Variants in PTGER4 observed in about 807,000 individuals in gnomAD.
PTGER4 encodes prostaglandin E2 receptor EP4 subtype.
In PTGER4, 11 loss-of-function variants were observed where a neutral mutation model predicts 33.2. That is an observed-to-expected ratio of 0.33 (90% CI 0.21 to 0.55). The LOEUF is 0.55. PTGER4 is among the 20% of genes least tolerant of loss of function. PTGER4 has a pLI of 0.92. For synonymous variants in PTGER4, 275 were observed against 281.5 expected, an observed-to-expected ratio of 0.98 and a Z score of 0.23; for missense variants, 481 against 650.2, an observed-to-expected ratio of 0.74 and a Z score of 2.83.
the PTGER4 span, among the ~76,000 whole-genome samples, chr5:40,722,209 C>T: frequency 6.6e-6 from 1 of 151,768 alleles, no homozygotes; most frequent in Non-Finnish European, 1.5e-5. Context: ...TGTCTCAACT[C>T]GCTCACTCAG....
chr5:40,742,199 T>G, the PTGER4 span, among the ~76,000 whole-genome samples: 1 of 152,160 alleles, frequency 6.6e-6, no homozygotes, highest in African/African-American at 2.4e-5. Flanking sequence ...AATCCATGCC[T>G]ACTTTTTAAA....
At chr5:40,738,749 A>C in the PTGER4 span, among the ~76,000 whole-genome samples, 1 of 152,108 alleles carries the variant, frequency 6.6e-6, no homozygotes, top group Non-Finnish European at 1.5e-5. Flanking sequence ...TCTAGTAACT[A>C]GGTAATAGTA....
downstream of PTGER4, among the ~76,000 whole-genome samples, chr5:40,696,468 TACA>T (rs1316669768): frequency 2.0e-5 from 3 of 152,108 alleles, no homozygotes; most frequent in Non-Finnish European, 2.9e-5. Flanking sequence ...ACAAGACGCT[TACA>T]ACAAGAGAGA....
chr5:40,697,676 C>A (rs1224460568), downstream of PTGER4, among the ~76,000 whole-genome samples: 1 of 67,566 alleles, frequency 1.5e-5, no homozygotes, highest in African/African-American at 5.8e-5. Context: ...TGTTATAGTT[C>A]TATTAGAAAA....
the PTGER4 span, among the ~76,000 whole-genome samples, chr5:40,737,200 G>A: frequency 2.0e-5 from 3 of 152,176 alleles, no homozygotes; most frequent in East Asian, 5.8e-4. Flanking sequence ...AGGAGGCTGA[G>A]GGACAAGAAT....
Position 40,693,697 on chromosome 5 carries a change from G to A in PTGER4, c.*1319G>A. 1 of 980,736 alleles carries A rather than the reference G, an allele frequency of 1.0e-6. No individual in the cohort carries two copies. The highest frequency in any genetic ancestry group is 1.2e-6 in the Non-Finnish European group (1 of 825,170). The allele number at this position is 980,736 out of a possible 1,614,324, so 60.8% of individuals were successfully genotyped here. A position where few individuals can be genotyped will look rare whatever the true frequency, so the allele number is the denominator to read the frequency against. ...GTTTTAAGAAGCAGTTGTACCAAGT[G>A]AAATTATTTTGGAGATTATAATAAA... On this transcript the variant is annotated 3_prime_UTR_variant, in exon 3 of 3. Coordinates refer to ENST00000302472, the MANE Select transcript of PTGER4 (RefSeq NM_000958.3).
chr5:40,689,078 C>A (rs1267412517), intron 2 of PTGER4, among the ~76,000 whole-genome samples: 1 of 152,120 alleles, frequency 6.6e-6, no homozygotes, highest in Non-Finnish European at 1.5e-5. Flanking sequence ...CCCATCAGAA[C>A]TGGAACAGTA....
At chr5:40,697,762 T>A, downstream of PTGER4, among the ~76,000 whole-genome samples, 1 of 149,966 alleles carries the variant, frequency 6.7e-6, no homozygotes, top group African/African-American at 2.5e-5. Context: ...CAAAGAGAGG[T>A]GGAAAAAAGG....
chr5:40,716,582 A>G, the PTGER4 span: 2 of 849,000 alleles, frequency 2.4e-6, no homozygotes, highest in East Asian at 2.4e-5. Flanking sequence ...GTACATATAT[A>G]CTGTACACAT....
the PTGER4 span, among the ~76,000 whole-genome samples, chr5:40,742,118 T>C: frequency 6.6e-6 from 1 of 152,184 alleles, no homozygotes; most frequent in Admixed American, 6.5e-5. Flanking sequence ...TTTATATCTT[T>C]TGTCCAATTT....
chr5:40,716,548 T>C, the PTGER4 span: 5 of 1,210,802 alleles, frequency 4.1e-6, no homozygotes, highest in African/African-American at 3.0e-5. Context: ...AATTAGTATG[T>C]TTAATACAAT....
chr5:40,726,147 A>T, the PTGER4 span, among the ~76,000 whole-genome samples: 16 of 104,872 alleles, frequency 1.5e-4, no homozygotes, highest in South Asian at 3.2e-4. Context: ...AGTCTTTTAT[A>T]TATATATATA....
At chr5:40,710,277 G>A in the PTGER4 span, among the ~76,000 whole-genome samples, 1 of 152,170 alleles carries the variant, frequency 6.6e-6, no homozygotes, top group Admixed American at 6.5e-5. Flanking sequence ...GATATGAACA[G>A]ACATTTCTCA....
the PTGER4 span, among the ~76,000 whole-genome samples, chr5:40,720,827 G>A: frequency 6.6e-6 from 1 of 152,184 alleles, no homozygotes; most frequent in Non-Finnish European, 1.5e-5. Context: ...GGATTGGGAA[G>A]AACCCTGCAG....
the PTGER4 span, among the ~76,000 whole-genome samples, chr5:40,745,868 G>T: frequency 6.6e-6 from 1 of 152,114 alleles, no homozygotes; most frequent in East Asian, 1.9e-4. Context: ...CCAAAGTGCT[G>T]GGATTACTAG....
At chr5:40,730,386 CT>C in the PTGER4 span, 2 of 1,518,136 alleles carry the variant, frequency 1.3e-6, no homozygotes, top group Non-Finnish European at 1.8e-6. Flanking sequence ...TTTCAATATG[CT>C]TTTTTGGACT....
At chr5:40,728,570 A>T in the PTGER4 span, 1 of 1,234,468 alleles carries the variant, frequency 8.1e-7, no homozygotes, top group Non-Finnish European at 1.1e-6. Flanking sequence ...ATATATTTTT[A>T]GTCCAGTAAA....
chr5:40,681,375 A>T lies in PTGER4; in HGVS notation c.382A>T (p.Ser128Cys), dbSNP rs1423536839. Residue 128 changes from serine (S) to cysteine (C), a missense_variant, in exon 2 of 3, where the codon AGC (serine) becomes TGC (cysteine). By Grantham distance (112) the Ser-to-Cys change is moderately radical. This residue lies in a region of PTGER4 where 43 missense variants were observed against 39.4 expected (regional missense o/e 1.09). Transcript: ENST00000302472. The surrounding 1 kb of genome is among the most constrained non-coding windows in gnomAD (Gnocchi z 9.8). The part of the protein sequence containing the change: ...YLAINHAYFY[S>C]HYVDKRLAGL... Reference sequence around the variant, plus strand: ...GGCCATCAACCATGCCTATTTCTACAGCCACTACGTGGACAAGCGATTGGC... The same window carrying T: ...GGCCATCAACCATGCCTATTTCTACTGCCACTACGTGGACAAGCGATTGGC... The T allele has an allele frequency of 6.2e-7, 1 of 1,614,150 alleles. No homozygotes were observed.
the PTGER4 span, among the ~76,000 whole-genome samples, chr5:40,738,114 A>C: frequency 6.6e-6 from 1 of 152,108 alleles, no homozygotes; most frequent in Admixed American, 6.6e-5. Flanking sequence ...GTATATATTT[A>C]ACTTTATGTG....
Sources: gnomAD v4.1 joint callset for allele counts (sites outside exome capture counted in the v4.1 genomes callset) on GRCh38, gnomAD v4.1.1 for gene constraint, gnomAD v4.1.1 regional missense constraint, Gnocchi (gnomAD v3.1) non-coding constraint, MANE v1.5 for transcripts, NCBI Gene and HGNC (gene_info 2026-07-23, HGNC 2026-07-21) for gene names.